CDH1: variants seen among roughly 807,000 people sequenced by gnomAD.
CDH1 encodes the protein cadherin-1.
CDH1 carries 35 observed loss-of-function variants against 84.5 expected under a neutral mutation model. That is an observed-to-expected ratio of 0.41 (90% CI 0.32 to 0.55). The LOEUF (loss-of-function observed/expected upper bound fraction) is 0.55, where lower values mean the gene tolerates loss of function less well. Among genes scored for constraint, CDH1 ranks in the 20% least tolerant of loss-of-function variants. The pLI, the probability that CDH1 is intolerant of heterozygous loss-of-function variation, is 0.19. For synonymous variants in CDH1, 417 were observed against 439.0 expected (o/e 0.95, Z 0.63); for missense variants, 994 against 1,126.6 (o/e 0.88, Z 1.68).
chr16:68,759,740 G>A (rs1177532862), intron 2 of CDH1, among the ~76,000 whole-genome samples: 1 of 152,078 alleles, frequency 6.6e-6, no homozygotes, highest in African/African-American at 2.4e-5. Context: ...ATCTGCCTTG[G>A]CCTCCCAAAG....
At chr16:68,757,874 C>T (rs1963054769) in intron 2 of CDH1, among the ~76,000 whole-genome samples, 1 of 151,522 alleles carries the variant, frequency 6.6e-6, no homozygotes, top group African/African-American at 2.4e-5. Context: ...CTCACTGCAA[C>T]CTCTGCCTCC....
At chr16:68,811,923 CA>C (rs1418289163) in intron 7 of CDH1, 64 bp downstream of exon 7, 13 of 1,574,200 alleles carry the variant, frequency 8.3e-6, no homozygotes, top group Non-Finnish European at 1.1e-5. Flanking sequence ...ATCCCGTGGA[CA>C]AAGCAAAATC....
intron 2 of CDH1, among the ~76,000 whole-genome samples, chr16:68,757,729 C>A (rs769783245): frequency 6.6e-6 from 1 of 151,548 alleles, no homozygotes; most frequent in African/African-American, 2.4e-5. Context: ...GTTTCTTTCT[C>A]TTTCTTTCTT....
intron 2 of CDH1, among the ~76,000 whole-genome samples, chr16:68,792,357 G>A (rs1960231078): frequency 6.6e-6 from 1 of 151,830 alleles, no homozygotes; most frequent in Non-Finnish European, 1.5e-5. Context: ...AGCCTCCCGA[G>A]TAGCTGGGAT....
At chr16:68,767,959 C>CTT (rs11393793) in intron 2 of CDH1, among the ~76,000 whole-genome samples, 1,853 of 147,274 alleles carry the variant, frequency 0.013, 27 homozygotes, top group African/African-American at 0.033. Flanking sequence ...ATTTTAATTA[C>CTT]TTTTTTTTTT....
At position 68,828,115 on chromosome 16, in the gene CDH1, C is replaced by T. The variant is rs563019987; in HGVS notation, c.2165-59C>T. ...GAGGGGTGCTCTGTGATAGCTGCTG[C>T]TTCTGGCCTTCTTTATCTTTGGCTC... On this transcript the variant is annotated intron_variant, in intron 13 of 15. Coordinates refer to ENST00000261769, the MANE Select transcript of CDH1 (RefSeq NM_004360.5). The T allele has an allele frequency of 8.8e-5, 141 of 1,603,542 alleles. No homozygotes were observed. The highest frequency in any genetic ancestry group is 1.1e-4 in the Non-Finnish European group (133 of 1,172,188).
chr16:68,821,345 T>G (rs1253903167), intron 11 of CDH1, among the ~76,000 whole-genome samples: 1 of 151,964 alleles, frequency 6.6e-6, no homozygotes, highest in Non-Finnish European at 1.5e-5. Flanking sequence ...CATGGTGGCA[T>G]GCGCCTGTAG....
At chr16:68,822,277 C>T (rs1397214236) in intron 12 of CDH1, 52 bp downstream of exon 12, 1 of 1,212,658 alleles carries the variant, frequency 8.2e-7, no homozygotes. Flanking sequence ...CCATGCTTCC[C>T]TTCCCCCAGA....
chr16:68,772,288 T>C (rs1342978841), intron 2 of CDH1, among the ~76,000 whole-genome samples: 1 of 152,196 alleles, frequency 6.6e-6, no homozygotes, highest in Non-Finnish European at 1.5e-5. Context: ...GTGCCATGCA[T>C]GGAAGGGCGG....
At position 68,812,294 on chromosome 16, in the gene CDH1, A is replaced by G. The variant is rs1218172695; in HGVS notation, c.1137+31A>G. Reference sequence around the variant, plus strand: ...TCTATAACTCCTTAGAGGGTTTCCAAAGAAAGGTCTTTTGTTGTTCATGAA... The same window carrying G: ...TCTATAACTCCTTAGAGGGTTTCCAGAGAAAGGTCTTTTGTTGTTCATGAA... On this transcript the variant is annotated intron_variant, in intron 8 of 15. Coordinates refer to ENST00000261769, the MANE Select transcript of CDH1 (RefSeq NM_004360.5). 1.9e-6 allele frequency: 3 copies of G among 1,612,490 alleles called. No individual in the cohort carries two copies. In the South Asian group the frequency reaches 3.3e-5, roughly 18 times the overall value.
At chr16:68,759,029 C>T (rs543362800) in intron 2 of CDH1, among the ~76,000 whole-genome samples, 94 of 152,242 alleles carry the variant, frequency 6.2e-4, no homozygotes, top group African/African-American at 2.1e-3. Context: ...CTCCTGACCT[C>T]AGATGATCTG....
Position 68,833,424 on chromosome 16 carries a change from C to A in CDH1, c.2574C>A (p.Asp858Glu), listed in dbSNP as rs1060501245. ...LNSSESDKDQDYDYLNEWGNR... is the reference protein window; with the variant it reads ...LNSSESDKDQEYDYLNEWGNR... ...CCTCAGAGTCAGACAAAGACCAGGA[C>A]TATGACTACTTGAACGAATGGGGCA... The change falls in exon 16 of 16, where the codon GAC becomes GAA. Residue 858 changes from aspartate to glutamate, a missense_variant. Transcript: ENST00000261769. The A allele has an allele frequency of 6.2e-7, 1 of 1,614,098 alleles. No homozygotes were observed. The highest frequency in any genetic ancestry group is 1.3e-5 in the African/African-American group (1 of 74,924).
chr16:68,828,903 C>T (rs760309887), intron 14 of CDH1, among the ~76,000 whole-genome samples: 5 of 152,110 alleles, frequency 3.3e-5, no homozygotes, highest in African/African-American at 7.2e-5. Context: ...CAGAGTGAGG[C>T]ACAATTTACT....
intron 8 of CDH1, among the ~76,000 whole-genome samples, chr16:68,812,479 G>GTT (rs1329264848): frequency 8.5e-5 from 13 of 152,326 alleles, no homozygotes; most frequent in South Asian, 4.1e-4. Context: ...AGATTGTGAA[G>GTT]TTGCAAAAAG....
chr16:68,768,946 G>A (rs1208738181), intron 2 of CDH1, among the ~76,000 whole-genome samples: 1 of 152,162 alleles, frequency 6.6e-6, no homozygotes, highest in African/African-American at 2.4e-5. Context: ...TGCCACTCTT[G>A]CTTATCTCTT....
At chr16:68,739,780 A>AT (rs1269311078) in intron 2 of CDH1, among the ~76,000 whole-genome samples, 34 of 151,834 alleles carry the variant, frequency 2.2e-4, no homozygotes, top group Non-Finnish European at 3.4e-4. Context: ...TGCCCAGCTA[A>AT]TTTTTTGTAG....
chr16:68,778,310 T>C (rs1959788642), intron 2 of CDH1, among the ~76,000 whole-genome samples: 1 of 152,206 alleles, frequency 6.6e-6, no homozygotes, highest in African/African-American at 2.4e-5. Context: ...CCTCCCAAAA[T>C]GCTGGGATTA....
At chr16:68,827,748 C>T (rs2152141115) in intron 13 of CDH1, among the ~76,000 whole-genome samples, 1 of 152,082 alleles carries the variant, frequency 6.6e-6, no homozygotes, top group South Asian at 2.1e-4. Context: ...CCCTGCTTGC[C>T]CCTCTGAGCT....
intron 9 of CDH1, among the ~76,000 whole-genome samples, chr16:68,814,921 TAAA>T (rs746677240): frequency 3.2e-4 from 42 of 131,662 alleles, no homozygotes; most frequent in Admixed American, 6.2e-4. Flanking sequence ...CTCCATCTCT[TAAA>T]AAAAAAAAAA....
Sources: gnomAD v4.1 joint callset for allele counts (sites outside exome capture counted in the v4.1 genomes callset) on GRCh38, gnomAD v4.1.1 for gene constraint, MANE v1.5 for transcripts, NCBI Gene and HGNC (gene_info 2026-07-23, HGNC 2026-07-21) for gene names.